Variants in BCO2 observed in about 807,000 individuals in gnomAD.
The protein encoded by BCO2 is carotenoid-cleaving dioxygenase, mitochondrial.
Under a neutral mutation model 65.8 loss-of-function variants are expected in BCO2, and 56 were observed. The ratio of observed to expected loss-of-function variants is 0.85; its 90% CI spans 0.69 to 1.06. The LOEUF (loss-of-function observed/expected upper bound fraction) is 1.06, where lower values mean the gene tolerates loss of function less well. Among genes scored for constraint, BCO2 ranks in the 50% least tolerant of loss-of-function variants. The pLI, the probability that BCO2 is intolerant of heterozygous loss-of-function variation, is 0.00. For synonymous variants in BCO2, 233 were observed against 242.3 expected (o/e 0.96, Z 0.36); for missense variants, 675 against 698.5 (o/e 0.97, Z 0.38).
At chr11:112,210,784 G>T (rs55820125) in intron 8 of BCO2, among the ~76,000 whole-genome samples, 231 of 148,530 alleles carry the variant, frequency 1.6e-3, no homozygotes, top group African/African-American at 5.6e-3. Flanking sequence ...ACACACACAC[G>T]AATGCATGTT....
At chr11:112,179,129 G>T (rs1184047419) in intron 1 of BCO2, 149 bp from the exon 2 acceptor site, 19 of 642,266 alleles carry the variant, frequency 3.0e-5, no homozygotes, top group Non-Finnish European at 3.9e-5. Context: ...AATGAGGAAG[G>T]AGAGAGAAGA....
At chr11:112,186,126 GGGA>G (rs1354738727) in intron 2 of BCO2, among the ~76,000 whole-genome samples, 2 of 152,312 alleles carry the variant, frequency 1.3e-5, no homozygotes, top group East Asian at 3.9e-4. Context: ...GAGGGCAAAG[GGGA>G]GGAGGAGGAG....
chr11:112,190,934 C>A (rs1867368436), intron 2 of BCO2, among the ~76,000 whole-genome samples: 1 of 148,876 alleles, frequency 6.7e-6, no homozygotes, highest in South Asian at 2.1e-4. Context: ...ATTTTATATG[C>A]ATGTATTTCT....
At chr11:112,185,959 T>C (rs368362931) in intron 2 of BCO2, among the ~76,000 whole-genome samples, 5 of 152,354 alleles carry the variant, frequency 3.3e-5, no homozygotes, top group East Asian at 3.9e-4. Context: ...ATCACCATTC[T>C]AGCTTCTGTC....
intron 8 of BCO2, among the ~76,000 whole-genome samples, chr11:112,213,270 A>G (rs1427607397): frequency 6.8e-6 from 1 of 147,270 alleles, no homozygotes. Flanking sequence ...CAGCCTCCCG[A>G]GTAGCTGGGA....
chr11:112,200,271 A>G, intron 6 of BCO2: 1 of 189,828 alleles, frequency 5.3e-6, no homozygotes, highest in Non-Finnish European at 1.1e-5. Flanking sequence ...AAGCAGGAAA[A>G]GGATTAAAGG....
At chr11:112,207,132 C>T (rs567163078) in intron 8 of BCO2, among the ~76,000 whole-genome samples, 1 of 152,242 alleles carries the variant, frequency 6.6e-6, no homozygotes, top group East Asian at 1.9e-4. Flanking sequence ...ATAATGACAG[C>T]TTTCTTTCTA....
chr11:112,209,810 A>G (rs1390950235), intron 8 of BCO2, among the ~76,000 whole-genome samples: 2 of 152,196 alleles, frequency 1.3e-5, no homozygotes, highest in African/African-American at 4.8e-5. Context: ...GTAAATCCCA[A>G]TTGGTCGCAT....
At chr11:112,180,037 G>A (rs900425333) in intron 2 of BCO2, among the ~76,000 whole-genome samples, 1 of 152,176 alleles carries the variant, frequency 6.6e-6, no homozygotes, top group Non-Finnish European at 1.5e-5. Flanking sequence ...ACAGGGCATT[G>A]GTTAGAGGAC....
chr11:112,185,483 T>C (rs1215228835), intron 2 of BCO2, among the ~76,000 whole-genome samples: 2 of 152,202 alleles, frequency 1.3e-5, no homozygotes, highest in African/African-American at 4.8e-5. Flanking sequence ...GTTTTACCCA[T>C]ATAAACTTTT....
rs1416409431 is a variant in BCO2, at chr11:112,213,885, C to G, written c.1332+24C>G. On this transcript the variant is annotated intron_variant, in intron 9 of 11. Transcript: ENST00000357685. The stretch of plus-strand genomic sequence containing the variant: ...CGGTATGCTATGAACAGACATTAGA[C>G]TAAGACTTTGAACTTTAATGGTGTT... 7 of 1,436,502 alleles carry G rather than the reference C, an allele frequency of 4.9e-6. No individual in the cohort carries two copies. In the South Asian group the frequency reaches 7.6e-5, roughly 16 times the overall value. The allele number at this position is 1,436,502 out of a possible 1,614,324, so 89.0% of individuals were successfully genotyped here.
At position 112,218,838 on chromosome 11, in the gene BCO2, A is replaced by G. The variant is rs1473681675; in HGVS notation, c.*964A>G. 1 of 152,238 alleles carries G rather than the reference A, an allele frequency of 6.6e-6. No homozygotes were observed. Among genetic ancestry groups the G allele is most frequent in the Non-Finnish European group, 1.5e-5 (1 of 68,042 alleles). 9.4% of individuals were successfully genotyped at this position (152,238 alleles called of 1,614,324 possible). ...GGGCTCTTACTTGAAATAATTAAGA[A>G]AGTATTGATACAACCTTTTGAAGAG... is the stretch of plus-strand genomic sequence containing the variant. On this transcript the variant is annotated 3_prime_UTR_variant, in exon 12 of 12. Transcript: ENST00000357685.
At chr11:112,185,023 A>G (rs960007966) in intron 2 of BCO2, among the ~76,000 whole-genome samples, 1 of 152,256 alleles carries the variant, frequency 6.6e-6, no homozygotes, top group Non-Finnish European at 1.5e-5. Flanking sequence ...TTACAAGTAA[A>G]GGAAAGCAAC....
chr11:112,214,553 T>C (rs1259418662), intron 9 of BCO2, among the ~76,000 whole-genome samples: 1 of 152,246 alleles, frequency 6.6e-6, no homozygotes, highest in Admixed American at 6.5e-5. Flanking sequence ...CCACCTCCTA[T>C]GTCATTTGAC....
intron 5 of BCO2, among the ~76,000 whole-genome samples, chr11:112,196,963 TTC>T (rs1390536517): frequency 7.2e-6 from 1 of 139,758 alleles, no homozygotes; most frequent in African/African-American, 2.6e-5. Flanking sequence ...TTCCCTTCCC[TTC>T]TTTCCCTCCC....
At chr11:112,193,329 T>A (rs570222445) in intron 2 of BCO2, 145 bp from the exon 3 acceptor site, 1 of 780,460 alleles carries the variant, frequency 1.3e-6, no homozygotes, top group Admixed American at 2.6e-5. Flanking sequence ...CCTCCCACAA[T>A]TTCAAGTTCT....
Position 112,194,933 on chromosome 11 carries a change from C to T in BCO2, c.736+178C>T, listed in dbSNP as rs534926535. On this transcript the variant is annotated intron_variant, in intron 5 of 11. Transcript: ENST00000357685. ...TTGATCTCAGATAAGGAGGATTCTTCAATGCTGTTATAGGAAACAGCAAAC... is the reference window on the plus strand; with the variant it reads ...TTGATCTCAGATAAGGAGGATTCTTTAATGCTGTTATAGGAAACAGCAAAC... 2.6e-5 allele frequency among the ~76,000 whole-genome samples: 4 copies of T among 152,148 alleles called. No individual in the cohort carries two copies. The East Asian group carries it at 7.7e-4, about 29-fold the overall frequency.
At chr11:112,199,149 C>A (rs1184986907) in intron 5 of BCO2, among the ~76,000 whole-genome samples, 2 of 152,114 alleles carry the variant, frequency 1.3e-5, no homozygotes, top group African/African-American at 4.8e-5. Context: ...TGACGTTCTC[C>A]TCCCAGTGTC....
intron 8 of BCO2, among the ~76,000 whole-genome samples, chr11:112,212,045 TA>T (rs199754675): frequency 1.4e-3 from 85 of 58,972 alleles, no homozygotes; most frequent in East Asian, 0.013. Flanking sequence ...TGACCTTTTA[TA>T]AAAAAAAAAG....
Sources: gnomAD v4.1 joint callset for allele counts (sites outside exome capture counted in the v4.1 genomes callset) on GRCh38, gnomAD v4.1.1 for gene constraint, MANE v1.5 for transcripts, NCBI Gene and HGNC (gene_info 2026-07-23, HGNC 2026-07-21) for gene names.